The following SYNE4 variants were observed in gnomAD, a reference collection of about 807,000 sequenced individuals.
The protein encoded by SYNE4 is nesprin-4.
A neutral mutation model predicts 46.9 loss-of-function variants in SYNE4; 41 were observed. The observed-to-expected ratio is 0.87, with a 90% CI of 0.68 to 1.13. The LOEUF is 1.13. Ranked by LOEUF, SYNE4 falls within the 50% of genes most tolerant of loss-of-function variation. The probability of loss-of-function intolerance (pLI) is 0.00; values close to 1 mark genes in which losing one functional copy is unlikely to be tolerated. For missense variants in SYNE4, 492 were observed against 514.8 expected (o/e 0.96, Z 0.43); for synonymous variants, 221 against 219.5 (o/e 1.01, Z -0.06).
Position 36,007,238 on chromosome 19 carries a change from C to A in SYNE4, c.310G>T (p.Ala104Ser). ...HPISGLEVLE[A>S]EQNSLHLCLL... is the part of the protein sequence containing the mutation. The stretch of plus-strand genomic sequence containing the variant: ...CACAGGTGCAGGCTGTTCTGCTCAG[C>A]CTCTAGTACCTCCAGGCCAGAAATG... The change falls in exon 3 of 8, where the codon GCT becomes TCT. Residue 104 changes from alanine (A) to serine (S), a missense_variant. Coordinates refer to ENST00000324444, the MANE Select transcript of SYNE4 (RefSeq NM_001039876.3). The A allele has an allele frequency of 1.9e-6, 3 of 1,596,460 alleles. No individual in the cohort carries two copies. The highest frequency in any genetic ancestry group is 2.6e-6 in the Non-Finnish European group (3 of 1,172,244).
chr19:36,008,022 CA>C (rs569124783), intron 2 of SYNE4, among the ~76,000 whole-genome samples, 194 bp downstream of exon 2: 90 of 141,090 alleles, frequency 6.4e-4, no homozygotes, highest in African/African-American at 5.2e-4. Flanking sequence ...GACTCCATCT[CA>C]AAAAAAAAAA....
At position 36,003,477 on chromosome 19, in the gene SYNE4, TAAG is replaced by T; in HGVS notation, c.1072_1074del (p.Leu358del). The T allele has an allele frequency of 1.2e-6, 2 of 1,608,442 alleles. No individual in the cohort carries two copies. The highest frequency in any genetic ancestry group is 1.7e-6 in the Non-Finnish European group (2 of 1,177,424). On this transcript the variant is annotated inframe_deletion, in exon 8 of 8. Transcript: ENST00000324444. ...AGGAGGAGGAAGAGGAGGAAGAGGA[TAAG>T]GAGGAAGGTCAGAGGCTGCCTGGAT...
intron 2 of SYNE4, chr19:36,007,550 CAAG>C (rs1299520206): frequency 5.1e-6 from 5 of 985,090 alleles, no homozygotes; most frequent in Non-Finnish European, 4.8e-6. Flanking sequence ...GGGTACCCCC[CAAG>C]AAGAATGGGG....
chr19:36,004,892 T>G (rs1468845158), intron 6 of SYNE4, among the ~76,000 whole-genome samples: 161 of 130,534 alleles, frequency 1.2e-3, no homozygotes, highest in Non-Finnish European at 1.9e-3. Context: ...TTTTTTTTTT[T>G]GTTGAGATGG....
At position 36,006,731 on chromosome 19, in the gene SYNE4, G is replaced by C; in HGVS notation, c.618+19C>G. On this transcript the variant is annotated intron_variant, in intron 4 of 7. Coordinates refer to ENST00000324444, the MANE Select transcript of SYNE4 (RefSeq NM_001039876.3). ...GGTTGGGGCCTGGGTTGGGTGGGGG[G>C]TATCAAGATGGGCCCTACCAGGCTG... 1.3e-6 allele frequency: 2 copies of C among 1,595,160 alleles called. No homozygotes were observed. The highest frequency in any genetic ancestry group is 8.6e-7 in the Non-Finnish European group (1 of 1,169,202).
chr19:36,005,321 G>A lies in SYNE4; in HGVS notation c.972+12C>T. On this transcript the variant is annotated intron_variant, in intron 6 of 7. Transcript: ENST00000324444. ...ATTCCTGAGTGCTACACCTGGTTGA[G>A]AACTGGCTCACCTGAGGCTTCCGGA... 3 of 1,613,748 alleles carry A rather than the reference G, an allele frequency of 1.9e-6. No individual in the cohort carries two copies. The highest frequency in any genetic ancestry group is 1.7e-6 in the Non-Finnish European group (2 of 1,179,806).
chr19:36,007,405 A>C (rs1968397643), intron 2 of SYNE4, 137 bp from the exon 3 acceptor site: 1 of 1,427,542 alleles, frequency 7.0e-7, no homozygotes, highest in South Asian at 1.6e-5. Flanking sequence ...CTGCACCAGG[A>C]TGGCTCCCAC....
In SYNE4 at chr19:36,006,817, C is replaced by T; in HGVS notation, c.551G>A (p.Gly184Glu). 1 of 1,607,230 alleles carries T rather than the reference C, an allele frequency of 6.2e-7. No individual in the cohort carries two copies. The highest frequency in any genetic ancestry group is 8.5e-7 in the Non-Finnish European group (1 of 1,177,654). ...CCGGAAGATGGAGTCTCGGTAAGCT[C>T]CCAGGGCCCGCAGGATCTGCTCCAG... is the stretch of plus-strand genomic sequence containing the variant. ...AALEQILRAL[G>E]AYRDSIFRRL... Residue 184 changes from glycine (G) to glutamate (E), a missense_variant, in exon 4 of 8, where the codon GGA (glycine) becomes GAA (glutamate). Gly to Glu is a moderately conservative substitution (Grantham distance 98). Transcript: ENST00000324444.
At position 36,007,122 on chromosome 19, in the gene SYNE4, T is replaced by C. The variant is rs1168821686; in HGVS notation, c.423+3A>G. The C allele has an allele frequency of 6.3e-7, 1 of 1,598,124 alleles. No individual in the cohort carries two copies. On this transcript the variant is annotated splice_donor_region_variant and intron_variant, in intron 3 of 7. Coordinates refer to ENST00000324444, the MANE Select transcript of SYNE4 (RefSeq NM_001039876.3). ...CCCCCACATCCTGGCCTCTCCTGCC[T>C]ACCTGCAGCTGCACCATCCCACTCT...
In SYNE4 at chr19:36,007,172, C is replaced by T. The variant is rs2145354712; in HGVS notation, c.376G>A (p.Gly126Ser). The change falls in exon 3 of 8, where the codon GGC becomes AGC. Residue 126 changes from glycine to serine, a missense_variant. Transcript: ENST00000324444. ...LGRRLQDLEQ[G>S]LGHWALAQSG... Reference sequence around the variant, plus strand: ...TGGGCCAATGCCCAGTGCCCCAGGCCTTGCTCCAGGTCCTGCAGCCGGCGG... The same window carrying T: ...TGGGCCAATGCCCAGTGCCCCAGGCTTTGCTCCAGGTCCTGCAGCCGGCGG... 6.3e-7 allele frequency: 1 copy of T among 1,591,556 alleles called. No individual in the cohort carries two copies. The highest frequency in any genetic ancestry group is 8.6e-7 in the Non-Finnish European group (1 of 1,169,352).
rs1230319252 is a variant in SYNE4, at chr19:36,006,906, C to T, written c.462G>A (p.Val154=). The change falls in exon 4 of 8, where the codon GTG becomes GTA. Residue 154 remains valine (V), a synonymous_variant. Transcript: ENST00000324444. The stretch of plus-strand genomic sequence containing the variant: ...CCTCACCAAACGCTAGCAGCGCCTC[C>T]ACACGCTCAGCTGCCCCTCGTAGGT... ...QVDLRGAAER[V]EALLAFGEGL... The T allele has an allele frequency of 3.9e-6, 6 of 1,555,210 alleles. No individual in the cohort carries two copies. The highest frequency in any genetic ancestry group is 4.8e-5 in the East Asian group (2 of 41,548).
chr19:36,006,537 C>A lies in SYNE4; in HGVS notation c.753G>T (p.Pro251=). 2 of 1,607,104 alleles carry A rather than the reference C, an allele frequency of 1.2e-6. No individual in the cohort carries two copies. Among genetic ancestry groups the A allele is most frequent in the African/African-American group, 1.3e-5 (1 of 74,870 alleles). Residue 251 remains proline, a synonymous_variant, in exon 5 of 8, where the codon CCG becomes CCT. Transcript: ENST00000324444. ...LPTSTELEWD[P]AGDIGGLGPL... ...GCCCAAGGCCCCCAATGTCCCCCGCCGGATCCCACTCCAACTCTGTGGAAG... is the reference window on the plus strand; with the variant it reads ...GCCCAAGGCCCCCAATGTCCCCCGCAGGATCCCACTCCAACTCTGTGGAAG...
At chr19:36,004,862 C>CT (rs1976791338) in intron 6 of SYNE4, among the ~76,000 whole-genome samples, 2 of 115,150 alleles carry the variant, frequency 1.7e-5, no homozygotes, top group Non-Finnish European at 3.6e-5. Flanking sequence ...TTATTTCTTT[C>CT]TTTCTTTTTT....
rs763806745 is a variant in SYNE4, at chr19:36,008,574, C to T, written c.108G>A (p.Ala36=). The change falls in exon 1 of 8, where the codon GCG becomes GCA. Residue 36 remains alanine (A), a synonymous_variant. Coordinates refer to ENST00000324444, the MANE Select transcript of SYNE4 (RefSeq NM_001039876.3). ...ADIVGCTVCP[A]SGEESTSPEQ... ...CCCACCTCGTGCTCTCCTCTCCGGA[C>T]GCGGGGCAGACGGTGCATCCAACAA... The T allele has an allele frequency of 3.1e-6, 5 of 1,613,936 alleles. No homozygotes were observed. In the South Asian group the frequency reaches 5.5e-5, roughly 18 times the overall value.
Position 36,007,253 on chromosome 19 carries a change from G to A in SYNE4, c.295C>T (p.Leu99=). 6.3e-7 allele frequency: 1 copy of A among 1,599,160 alleles called. No homozygotes were observed. Among genetic ancestry groups the A allele is most frequent in the South Asian group, 1.1e-5 (1 of 88,204 alleles). The part of the protein sequence containing the change: ...GKHCEHPISG[L]EVLEAEQNSL... ...TTCTGCTCAGCCTCTAGTACCTCCA[G>A]GCCAGAAATGGGGTGCTGGGGAACA... is the stretch of plus-strand genomic sequence containing the variant. The change falls in exon 3 of 8, where the codon CTG becomes TTG. Residue 99 remains leucine, a synonymous_variant. Coordinates refer to ENST00000324444, the MANE Select transcript of SYNE4 (RefSeq NM_001039876.3).
In SYNE4 at chr19:36,006,746, C is replaced by CT; in HGVS notation, c.618+3dup. The CT allele has an allele frequency of 6.2e-7, 1 of 1,606,086 alleles. No individual in the cohort carries two copies. ...TGGGTGGGGGGTATCAAGATGGGCC[C>CT]TACCAGGCTGTAGCTGACCAGCTGG... On this transcript the variant is annotated splice_donor_region_variant and intron_variant, in intron 4 of 7. Transcript: ENST00000324444.
In SYNE4 at chr19:36,008,639, G is replaced by T. The variant is rs1170873344; in HGVS notation, c.43C>A (p.Pro15Thr). ...GGTGCTCCCGGTGGGTGGTTGAGGG[G>T]CTCTGAGCCAAGTCTAGGGCCCAGA... The part of the protein sequence containing the change: ...LPLGPRLGSE[P>T]LNHPPGAPRE... The change falls in exon 1 of 8, where the codon CCC becomes ACC. Residue 15 changes from proline to threonine, a missense_variant. By Grantham distance (38) the Pro-to-Thr change is conservative (BLOSUM62 -1). Transcript: ENST00000324444. 2.5e-6 allele frequency: 4 copies of T among 1,613,968 alleles called. No individual in the cohort carries two copies. Among genetic ancestry groups the T allele is most frequent in the Admixed American group, 1.7e-5 (1 of 59,994 alleles).
At chr19:36,007,546 C>T (rs2145356446) in intron 2 of SYNE4, 1 of 985,064 alleles carries the variant, frequency 1.0e-6, no homozygotes, top group East Asian at 1.1e-4. Context: ...GGCTGGGTAC[C>T]CCCCAAGAAG....
chr19:36,006,148 G>A (rs960167616), intron 5 of SYNE4: 11 of 411,460 alleles, frequency 2.7e-5, no homozygotes, highest in African/African-American at 6.2e-5. Context: ...CCCTGAAGAG[G>A]TGGCACTTCA....
Sources: allele counts gnomAD v4.1 joint callset (sites outside exome capture counted in the v4.1 genomes callset), GRCh38; gene constraint gnomAD v4.1.1; transcripts MANE v1.5; gene names NCBI Gene and HGNC (gene_info 2026-07-23, HGNC 2026-07-21).